SAMD3: variants seen among roughly 807,000 people sequenced by gnomAD.
SAMD3 encodes the protein sterile alpha motif domain-containing protein 3.
In SAMD3, 63 loss-of-function variants were observed where a neutral mutation model predicts 58.5. The observed-to-expected ratio is 1.08, with a 90% confidence interval of 0.88 to 1.33. SAMD3 has a LOEUF of 1.33. Ranked by LOEUF, SAMD3 falls within the 40% of genes most tolerant of loss-of-function variation. The pLI is 0.00. For synonymous variants in SAMD3, 220 were observed against 210.3 expected, an observed-to-expected ratio of 1.05 and a Z score of -0.40; for missense variants, 604 against 608.4, an observed-to-expected ratio of 0.99 and a Z score of 0.08.
rs187458325 is a variant in SAMD3 at position 130,197,193 on chromosome 6, G to A, written c.383+12302C>T. 2.0e-3 allele frequency among the ~76,000 whole-genome samples: 312 copies of A among 152,282 alleles called. 1 individual carries two copies. Among genetic ancestry groups the A allele is most frequent in the African/African-American group, 6.6e-3 (273 of 41,560 alleles). ...ATTTGAGCTCCTGTATAGACGCTCC[G>A]TTTTATTAGGCCCAGTCTCATTCCA... On this transcript the variant is annotated intron_variant, in intron 5 of 11. Transcript: ENST00000439090.
chr6:130,274,301 A>G (rs1562493364), intron 2 of SAMD3, among the ~76,000 whole-genome samples: 1 of 152,156 alleles, frequency 6.6e-6, no homozygotes, highest in Non-Finnish European at 1.5e-5. Flanking sequence ...GTGGCCTTGG[A>G]CCAACCCAGT....
chr6:130,222,598 A>C (rs1335243545), intron 1 of SAMD3, 96 bp downstream of exon 1: 2 of 152,218 alleles, frequency 1.3e-5, no homozygotes, highest in African/African-American at 4.8e-5. Context: ...TTTTGTTTGT[A>C]ATCTGCCACT....
chr6:130,330,318 G>A (rs1297689992), intron 1 of SAMD3, among the ~76,000 whole-genome samples: 4 of 152,148 alleles, frequency 2.6e-5, no homozygotes, highest in Non-Finnish European at 4.4e-5. Flanking sequence ...GAAGACCTGG[G>A]ATGCAGTTAA....
At chr6:130,267,988 T>A (rs1050656551) in intron 2 of SAMD3, among the ~76,000 whole-genome samples, 1 of 152,170 alleles carries the variant, frequency 6.6e-6, no homozygotes, top group Non-Finnish European at 1.5e-5. Flanking sequence ...GGTGGTCCCA[T>A]TAAATTACAA....
downstream of SAMD3, chr6:130,143,718 C>T (rs1265110140): frequency 6.6e-6 from 1 of 152,144 alleles, no homozygotes; most frequent in African/African-American, 2.4e-5. Context: ...TTGATAATAA[C>T]ATCAAGGGGC....
At chr6:130,350,493 T>A (rs1777617894) in intron 1 of SAMD3, among the ~76,000 whole-genome samples, 1 of 151,870 alleles carries the variant, frequency 6.6e-6, no homozygotes, top group African/African-American at 2.4e-5. Flanking sequence ...GAGAATAAAA[T>A]ACCTAGGAAT....
chr6:130,330,420 G>A (rs1776893285), intron 1 of SAMD3, among the ~76,000 whole-genome samples: 1 of 152,208 alleles, frequency 6.6e-6, no homozygotes, highest in South Asian at 2.1e-4. Flanking sequence ...ATAATCTAAA[G>A]TTACCAATAT....
At chr6:130,183,856 A>G (rs1479966423) in intron 7 of SAMD3, among the ~76,000 whole-genome samples, 1 of 152,174 alleles carries the variant, frequency 6.6e-6, no homozygotes, top group Non-Finnish European at 1.5e-5. Context: ...AGAGAGAGAG[A>G]GAGCGCAAAG....
intron 7 of SAMD3, among the ~76,000 whole-genome samples, chr6:130,178,398 C>A (rs1791944055): frequency 6.6e-6 from 1 of 151,942 alleles, no homozygotes. Flanking sequence ...AAAAAAAACC[C>A]CTGCAGGCAT....
chr6:130,145,368 G>A lies in SAMD3; in HGVS notation c.1250C>T (p.Pro417Leu). The A allele has an allele frequency of 6.2e-7, 1 of 1,610,920 alleles. No individual in the cohort carries two copies. The highest frequency in any genetic ancestry group is 8.5e-7 in the Non-Finnish European group (1 of 1,177,856). The change falls in exon 11 of 12, where the codon CCC becomes CTC. Residue 417 changes from proline (P) to leucine (L), a missense_variant. Pro to Leu is a moderately conservative substitution (Grantham distance 98). Transcript: ENST00000439090. ...LLLPDVFGDD[P>L]SLFVIMNEQV... The stretch of plus-strand genomic sequence containing the variant: ...TTCATTCATGATGACAAAAAGGCTG[G>A]GATCATCCCCAAAAACATCTGGGAG...
intron 2 of SAMD3, among the ~76,000 whole-genome samples, chr6:130,266,693 G>C (rs1332062764): frequency 1.3e-5 from 2 of 152,156 alleles, no homozygotes; most frequent in Non-Finnish European, 2.9e-5. Context: ...TAGACCTTAT[G>C]CCAAATTACC....
rs140213991 is a variant in SAMD3, at chr6:130,279,995, C to A, written c.-188+32983G>T. On this transcript the variant is annotated intron_variant, in intron 2 of 13. Coordinates refer to the SAMD3 transcript ENST00000368134. ...CCCCTTTGACTCTTATCTTCAGTTG[C>A]AAATAATAATTATCTTTCCTAAGTT... 1.0e-2 allele frequency among the ~76,000 whole-genome samples: 1,506 copies of A among 150,880 alleles called. 29 individuals carry two copies. The highest frequency in any genetic ancestry group is 0.035 in the African/African-American group (1,433 of 41,140).
chr6:130,156,470 C>T lies in SAMD3; in HGVS notation c.823-1445G>A, dbSNP rs568579524. ...TGAACAAAGTTGCAGATATTAGAAA[C>T]AAGGAACAACTAACTTGAATTTATT... On this transcript the variant is annotated intron_variant, in intron 8 of 11. Transcript: ENST00000439090. Among the ~76,000 whole-genome samples, 7 of 152,246 alleles carry T rather than the reference C, an allele frequency of 4.6e-5. No homozygotes were observed. In the South Asian group the frequency reaches 1.4e-3, roughly 32 times the overall value.
At chr6:130,234,698 C>T (rs1426134536) in intron 2 of SAMD3, among the ~76,000 whole-genome samples, 4 of 152,188 alleles carry the variant, frequency 2.6e-5, no homozygotes, top group Non-Finnish European at 5.9e-5. Flanking sequence ...CTGGTTTCCT[C>T]CCCTACAGAT....
chr6:130,189,204 C>A (rs377531354), intron 5 of SAMD3, among the ~76,000 whole-genome samples: 1 of 151,704 alleles, frequency 6.6e-6, no homozygotes, highest in Non-Finnish European at 1.5e-5. Flanking sequence ...TAACCTCCAA[C>A]GTGACTGTAC....
At chr6:130,259,032 G>A (rs760133607) in intron 2 of SAMD3, among the ~76,000 whole-genome samples, 16 of 152,122 alleles carry the variant, frequency 1.1e-4, no homozygotes, top group Non-Finnish European at 2.4e-4. Context: ...AAATAGAGAG[G>A]AGGTGAGCTG....
intron 2 of SAMD3, among the ~76,000 whole-genome samples, chr6:130,263,967 AT>A: frequency 6.6e-6 from 1 of 152,316 alleles, no homozygotes; most frequent in African/African-American, 2.4e-5. Context: ...TCATACATTC[AT>A]TTTACTAGAG....
At chr6:130,247,550 T>C (rs1395516793) in intron 2 of SAMD3, among the ~76,000 whole-genome samples, 1 of 151,954 alleles carries the variant, frequency 6.6e-6, no homozygotes, top group Non-Finnish European at 1.5e-5. Context: ...TGTAAAGGAT[T>C]GAAACACTGC....
At chr6:130,279,110 TTAA>T in intron 2 of SAMD3, among the ~76,000 whole-genome samples, 1 of 152,330 alleles carries the variant, frequency 6.6e-6, no homozygotes, top group Admixed American at 6.5e-5. Flanking sequence ...TAAAATGAGC[TTAA>T]TAATATCTAT....
Sources: allele counts gnomAD v4.1 joint callset (sites outside exome capture counted in the v4.1 genomes callset), GRCh38; gene constraint gnomAD v4.1.1; transcripts MANE v1.5; gene names NCBI Gene and HGNC (gene_info 2026-07-23, HGNC 2026-07-21).